PTCH1: variants seen among roughly 807,000 people sequenced by gnomAD.
The protein encoded by PTCH1 is patched 1, also known as protein patched homolog 1.
A neutral mutation model predicts 144.6 loss-of-function variants in PTCH1; 14 were observed. That is an observed-to-expected ratio of 0.10 (90% CI 0.06 to 0.15). PTCH1 has a LOEUF of 0.15. PTCH1 is among the 10% of genes least tolerant of loss of function. The pLI is 1.00. For synonymous variants in PTCH1, 833 were observed against 793.6 expected, an observed-to-expected ratio of 1.05 and a Z score of -0.83; for missense variants, 1,623 against 1,948.3, an observed-to-expected ratio of 0.83 and a Z score of 3.14.
intron 16 of PTCH1, among the ~76,000 whole-genome samples, chr9:95,460,370 G>A (rs1368295687): frequency 6.6e-6 from 1 of 152,178 alleles, no homozygotes; most frequent in Non-Finnish European, 1.5e-5. Context: ...TACTCCGCAC[G>A]CCGCGTCCTC....
chr9:95,477,441 C>A, intron 10 of PTCH1, 106 bp downstream of exon 10: 1 of 1,479,300 alleles, frequency 6.8e-7, no homozygotes, highest in African/African-American at 1.4e-5. Flanking sequence ...GGCTGCAAGA[C>A]CCTTCCGGTG....
At chr9:95,483,987 T>C (rs1190800862) in intron 3 of PTCH1, 1 of 152,202 alleles carries the variant, frequency 6.6e-6, no homozygotes, top group African/African-American at 2.4e-5. Flanking sequence ...AATGCTCTAA[T>C]TAGTCTAATT....
Position 95,476,018 on chromosome 9 carries a change from A to T in PTCH1, c.1728+16T>A, listed in dbSNP as rs758961945. 3.6e-4 allele frequency: 575 copies of T among 1,613,294 alleles called. No homozygotes were observed. The highest frequency in any genetic ancestry group is 1.1e-3 in the South Asian group (98 of 91,046). ...CCCGTTCAGGATCACCACAGCCTTC[A>T]TCACCAGAAGCTCACCTGGAGGGAG... On this transcript the variant is annotated intron_variant, in intron 12 of 23. Coordinates refer to ENST00000331920, the MANE Select transcript of PTCH1 (RefSeq NM_000264.5). The surrounding 1 kb of genome is among the most constrained non-coding windows in gnomAD (Gnocchi z 4.6).
chr9:95,466,048 T>C (rs1839967695), intron 15 of PTCH1, among the ~76,000 whole-genome samples: 1 of 152,148 alleles, frequency 6.6e-6, no homozygotes, highest in Non-Finnish European at 1.5e-5. Flanking sequence ...GGCACTGTTA[T>C]TTATTTATTA....
At chr9:95,463,334 G>A (rs563215877) in intron 15 of PTCH1, among the ~76,000 whole-genome samples, 1 of 152,050 alleles carries the variant, frequency 6.6e-6, no homozygotes, top group East Asian at 1.9e-4. Context: ...AGTGGGCTCG[G>A]TGGTGAAAGG....
rs948008040 is a variant in PTCH1, at chr9:95,485,822, T to C, written c.447A>G (p.Glu149=). ...ELNYTRQKIG[E]EAMFNPQLMI... is the part of the protein sequence containing the mutation. Reference sequence around the variant, plus strand: ...TGAGTTGAGGATTAAACATAGCCTCTTCTCCAATCTTCTGGCGAGTATAAT... The same window carrying C: ...TGAGTTGAGGATTAAACATAGCCTCCTCTCCAATCTTCTGGCGAGTATAAT... Residue 149 remains glutamate, a synonymous_variant, in exon 3 of 24, where the codon GAA becomes GAG. Transcript: ENST00000331920. 2.5e-6 allele frequency: 4 copies of C among 1,614,232 alleles called. No homozygotes were observed. Among genetic ancestry groups the C allele is most frequent in the Non-Finnish European group, 3.4e-6 (4 of 1,180,036 alleles).
chr9:95,461,797 C>T (rs2136685286), intron 16 of PTCH1, 59 bp downstream of exon 16: 2 of 1,608,796 alleles, frequency 1.2e-6, no homozygotes, highest in Admixed American at 1.7e-5. Context: ...AAGCAGCCTC[C>T]ACCAGGGCAG....
rs1588551617 is a variant in PTCH1, at chr9:95,461,916, G to C, written c.2643C>G (p.Val881=). The C allele has an allele frequency of 3.1e-6, 5 of 1,614,206 alleles. No homozygotes were observed. The highest frequency in any genetic ancestry group is 3.4e-6 in the Non-Finnish European group (4 of 1,180,042). ...TTTGCACCAGGAGTTTGTAGGCAAG[G>C]ACTCCATCGTCTGATCCATTCTTGT... The part of the protein sequence containing the change: ...NNYKNGSDDG[V]LAYKLLVQTG... The change falls in exon 16 of 24, where the codon GTC becomes GTG. Residue 881 remains valine (V), a synonymous_variant. Coordinates refer to ENST00000331920, the MANE Select transcript of PTCH1 (RefSeq NM_000264.5).
chr9:95,508,794 C>G lies in PTCH1; in HGVS notation c.-433G>C. The G allele has an allele frequency of 4.1e-6, 4 of 984,776 alleles. No individual in the cohort carries two copies. The highest frequency in any genetic ancestry group is 4.8e-6 in the Non-Finnish European group (4 of 829,698). 61.0% of individuals were successfully genotyped at this position (984,776 alleles called of 1,614,324 possible). ...ACCCCTTCACTGCAGAAAGAGCCAGCGAATCCCCGCTGCTCCCGCCGGCCG... is the reference window on the plus strand; with the variant it reads ...ACCCCTTCACTGCAGAAAGAGCCAGGGAATCCCCGCTGCTCCCGCCGGCCG... On this transcript the variant is annotated 5_prime_UTR_variant, in exon 1 of 24. Coordinates refer to ENST00000331920, the MANE Select transcript of PTCH1 (RefSeq NM_000264.5).
intron 10 of PTCH1, among the ~76,000 whole-genome samples, chr9:95,477,165 T>A (rs1371430007): frequency 6.6e-6 from 1 of 152,222 alleles, no homozygotes; most frequent in African/African-American, 2.4e-5. Context: ...GGAATTGCCC[T>A]GAAGTGCACA....
intron 2 of PTCH1, among the ~76,000 whole-genome samples, chr9:95,497,231 T>C (rs1842855887): frequency 6.6e-6 from 1 of 152,176 alleles, no homozygotes; most frequent in Admixed American, 6.5e-5. Context: ...TGCTTCATGT[T>C]AGGCTATCTG....
intron 16 of PTCH1, 132 bp from the exon 17 acceptor site, chr9:95,459,915 C>T (rs568612120): frequency 1.5e-5 from 15 of 980,544 alleles, no homozygotes; most frequent in South Asian, 9.5e-5. Flanking sequence ...TTGAAAGTGT[C>T]GAAAATCCCA....
intron 13 of PTCH1, 50 bp downstream of exon 13, chr9:95,469,762 AC>A (rs1398521287): frequency 1.5e-5 from 22 of 1,484,278 alleles, no homozygotes; most frequent in Non-Finnish European, 2.0e-5. Flanking sequence ...GAGTTCTCTC[AC>A]AGCACCATTC....
intron 1 of PTCH1, among the ~76,000 whole-genome samples, chr9:95,516,153 T>C (rs942056708): frequency 5.3e-5 from 8 of 149,750 alleles, no homozygotes; most frequent in Non-Finnish European, 6.0e-5. Flanking sequence ...CCGTGAGAAT[T>C]CCCCCCGGAG....
chr9:95,455,495 T>C (rs578140958), intron 19 of PTCH1, among the ~76,000 whole-genome samples: 283 of 152,398 alleles, frequency 1.9e-3, no homozygotes, highest in African/African-American at 6.1e-3. Context: ...GGCTCTAATC[T>C]GCAGACAGAA....
chr9:95,500,830 T>C (rs1843096635), intron 2 of PTCH1, among the ~76,000 whole-genome samples: 1 of 152,214 alleles, frequency 6.6e-6, no homozygotes, highest in South Asian at 2.1e-4. Flanking sequence ...TCAACCATGC[T>C]AAAAACCTTC....
upstream of PTCH1, among the ~76,000 whole-genome samples, chr9:95,510,186 A>G (rs1844077089): frequency 6.6e-6 from 1 of 152,180 alleles, no homozygotes; most frequent in Non-Finnish European, 1.5e-5. Flanking sequence ...TTTCCTTGAG[A>G]GAGTAAAGTT....
rs752043221 is a variant in PTCH1, at chr9:95,469,004, G to A, written c.1997C>T (p.Thr666Met). 1.9e-5 allele frequency: 30 copies of A among 1,614,066 alleles called. No individual in the cohort carries two copies. Among genetic ancestry groups the A allele is most frequent in the Non-Finnish European group, 2.4e-5 (28 of 1,180,040 alleles). The change falls in exon 14 of 24, where the codon ACG becomes ATG. Residue 666 changes from threonine to methionine, a missense_variant. Thr to Met is a moderately conservative substitution (Grantham distance 81). Around this residue, in one of 7 missense-constraint regions of PTCH1, gnomAD observed 179 missense variants for 165.7 expected, o/e 1.08. Coordinates refer to ENST00000331920, the MANE Select transcript of PTCH1 (RefSeq NM_000264.5). Reference sequence around the variant, plus strand: ...CACGTGCGTGTGGGGGTCGTACTCCGTGCGGAGCTGGACAGTGGACTGCAT... The same window carrying A: ...CACGTGCGTGTGGGGGTCGTACTCCATGCGGAGCTGGACAGTGGACTGCAT... The part of the protein sequence containing the change: ...ITMQSTVQLR[T>M]EYDPHTHVYY...
At chr9:95,482,444 A>G in intron 3 of PTCH1, 1 of 558,740 alleles carries the variant, frequency 1.8e-6, no homozygotes. Context: ...GTACTTGAAA[A>G]GTCTTGTTTT....
Sources: allele counts gnomAD v4.1 joint callset (sites outside exome capture counted in the v4.1 genomes callset), GRCh38; gene constraint gnomAD v4.1.1; regional missense constraint gnomAD v4.1.1; non-coding constraint Gnocchi (gnomAD v3.1); transcripts MANE v1.5; gene names NCBI Gene and HGNC (gene_info 2026-07-23, HGNC 2026-07-21).